TRIP10: variants seen among roughly 807,000 people sequenced by gnomAD.
TRIP10 encodes thyroid hormone receptor interactor 10, also known as cdc42-interacting protein 4.
In TRIP10, 54 loss-of-function variants were observed where a neutral mutation model predicts 80.9. That is an observed-to-expected ratio of 0.67 (90% CI 0.54 to 0.84). The LOEUF is 0.84. Among genes scored for constraint, TRIP10 ranks in the 40% least tolerant of loss-of-function variants. The probability of loss-of-function intolerance (pLI) is 0.00; values close to 1 mark genes in which losing one functional copy is unlikely to be tolerated. For synonymous variants in TRIP10, 321 were observed against 307.2 expected (o/e 1.04, Z -0.47); for missense variants, 773 against 815.3 (o/e 0.95, Z 0.63).
At chr19:6,743,888 G>A in intron 7 of TRIP10, 52 bp downstream of exon 7, 1 of 1,604,718 alleles carries the variant, frequency 6.2e-7, no homozygotes, top group Non-Finnish European at 8.5e-7. Context: ...CCAAATGTTA[G>A]CCAACTCCTA....
Position 6,740,678 on chromosome 19 carries a change from T to C in TRIP10, c.25-332T>C, listed in dbSNP as rs545566156. ...GACTCACGCCGGGCCGGCCGGATTTTCCGGAATCCGGGGGGATTAGGGGAG... is the reference window on the plus strand; with the variant it reads ...GACTCACGCCGGGCCGGCCGGATTTCCCGGAATCCGGGGGGATTAGGGGAG... On this transcript the variant is annotated intron_variant, in intron 1 of 14. Transcript: ENST00000313244. 4.8e-4 allele frequency: 123 copies of C among 258,322 alleles called. 1 individual carries two copies. The highest frequency in any genetic ancestry group is 8.9e-4 in the Non-Finnish European group (118 of 133,294). The allele number at this position is 258,322 out of a possible 1,614,324, so 16.0% of individuals were successfully genotyped here.
At chr19:6,741,326 C>T (rs767594514) in intron 3 of TRIP10, 45 bp downstream of exon 3, 1 of 1,571,312 alleles carries the variant, frequency 6.4e-7, no homozygotes, top group Non-Finnish European at 8.6e-7. Flanking sequence ...TGGGGAAAGG[C>T]GGTGCTTGGG....
At chr19:6,741,356 G>T in intron 3 of TRIP10, 75 bp downstream of exon 3, 1 of 1,509,612 alleles carries the variant, frequency 6.6e-7, no homozygotes, top group Non-Finnish European at 9.0e-7. Context: ...CCCTCCCTCA[G>T]CTGGGACACC....
In TRIP10 at chr19:6,744,525, C is replaced by G. The variant is rs774459791; in HGVS notation, c.643-29C>G. Reference sequence around the variant, plus strand: ...GCTTCTAGTCCCTCTGTTAGCACCCCTGAGCCACCCTTGTCCCTGTCCTTA... The same window carrying G: ...GCTTCTAGTCCCTCTGTTAGCACCCGTGAGCCACCCTTGTCCCTGTCCTTA... On this transcript the variant is annotated intron_variant, in intron 7 of 14. Transcript: ENST00000313244. The surrounding 1 kb of genome is among the most constrained non-coding windows in gnomAD (Gnocchi z 4.9). 8.1e-6 allele frequency: 13 copies of G among 1,613,286 alleles called. No individual in the cohort carries two copies. The highest frequency in any genetic ancestry group is 4.2e-6 in the Non-Finnish European group (5 of 1,180,002).
chr19:6,743,615 C>A lies in TRIP10; in HGVS notation c.513+17C>A. ...GTGGAGAAGGTGTGTGTGGCGGGGGCGGGGGGGGGGTGCGGGGTCTGGGAC... is the reference window on the plus strand; with the variant it reads ...GTGGAGAAGGTGTGTGTGGCGGGGGAGGGGGGGGGGTGCGGGGTCTGGGAC... On this transcript the variant is annotated intron_variant, in intron 6 of 14. Transcript: ENST00000313244. 3 of 770,164 alleles carry A rather than the reference C, an allele frequency of 3.9e-6. No individual in the cohort carries two copies. The highest frequency in any genetic ancestry group is 3.6e-6 in the Non-Finnish European group (2 of 549,188). The allele number at this position is 770,164 out of a possible 1,614,324, so 47.7% of individuals were successfully genotyped here.
Position 6,745,580 on chromosome 19 carries a change from G to C in TRIP10, c.985-449G>C, listed in dbSNP as rs1230472940. ...GTTTTATTTTTGTTTATTTATTTTT[G>C]TCCTCTGTGGCCTCTTACCTGTCTG... On this transcript the variant is annotated intron_variant, in intron 9 of 14. Coordinates refer to ENST00000313244, the MANE Select transcript of TRIP10 (RefSeq NM_001288962.2). The surrounding 1 kb of genome is among the most constrained non-coding windows in gnomAD (Gnocchi z 7.2). 1.0e-6 allele frequency: 1 copy of C among 984,438 alleles called. No homozygotes were observed. The highest frequency in any genetic ancestry group is 1.2e-6 in the Non-Finnish European group (1 of 829,784). The allele number at this position is 984,438 out of a possible 1,614,324, so 61.0% of individuals were successfully genotyped here. A position where few individuals can be genotyped will look rare whatever the true frequency, so the allele number is the denominator to read the frequency against.
chr19:6,743,279 G>GACTC (rs770017777), intron 5 of TRIP10, 23 bp downstream of exon 5: 2 of 1,612,340 alleles, frequency 1.2e-6, no homozygotes, highest in African/African-American at 2.7e-5. Context: ...AGGTAGCAGT[G>GACTC]ACTGTGGCCC....
chr19:6,739,924 C>A, intron 1 of TRIP10, 139 bp downstream of exon 1: 1 of 1,066,768 alleles, frequency 9.4e-7, no homozygotes. Context: ...ACCCTCCGCT[C>A]TCTCTCGAAG....
rs774273806 is a variant in TRIP10, at chr19:6,750,592, C to T, written c.1616C>T (p.Thr539Ile). The T allele has an allele frequency of 2.5e-6, 4 of 1,614,156 alleles. No homozygotes were observed. Among genetic ancestry groups the T allele is most frequent in the Non-Finnish European group, 3.4e-6 (4 of 1,180,054 alleles). The change falls in exon 14 of 15, where the codon ACA becomes ATA. Residue 539 changes from threonine to isoleucine, a missense_variant. By Grantham distance (89) the Thr-to-Ile change is moderately conservative. Transcript: ENST00000313244. ...GATGAGGATTTCGAGGAGGAACCCA[C>T]ATCCCCCATAGGTCACTGTGTGGCC... ...EFDEDFEEEP[T>I]SPIGHCVAIY... is the part of the protein sequence containing the mutation.
In TRIP10 at chr19:6,746,072, C is replaced by T. The variant is rs552901206; in HGVS notation, c.1028C>T (p.Ser343Leu). Residue 343 changes from serine to leucine, a missense_variant, in exon 10 of 15, where the codon TCG becomes TTG. Transcript: ENST00000313244. This position sits in a 1 kb window ranked among gnomAD's most constrained non-coding sequence, Gnocchi z 6.2. Reference sequence around the variant, plus strand: ...TCCCCCCTGGGGGGCCCCGTACCCTCGGCATTGCCTAACGGACCCCCGTCC... The same window carrying T: ...TCCCCCCTGGGGGGCCCCGTACCCTTGGCATTGCCTAACGGACCCCCGTCC... ...PLSPLGGPVP[S>L]ALPNGPPSPR... 1.3e-3 allele frequency: 1,923 copies of T among 1,518,830 alleles called. 56 individuals carry two copies. In the South Asian group the frequency reaches 0.022, roughly 17 times the overall value. 94.1% of individuals were successfully genotyped at this position (1,518,830 alleles called of 1,614,324 possible). A position where few individuals can be genotyped will look rare whatever the true frequency, so the allele number is the denominator to read the frequency against.
rs201515928 is a variant in TRIP10 at position 6,744,997 on chromosome 19, G to A, written c.984+3G>A. ...GGCCTTTTGGCAAGAAGAACAAGGT[G>A]GGGGCCGGGACCCTTGGGATGGTGG... is the stretch of plus-strand genomic sequence containing the variant. On this transcript the variant is annotated splice_donor_region_variant and intron_variant, in intron 9 of 14. Coordinates refer to ENST00000313244, the MANE Select transcript of TRIP10 (RefSeq NM_001288962.2). This position sits in a 1 kb window ranked among gnomAD's most constrained non-coding sequence, Gnocchi z 4.9. The A allele has an allele frequency of 1.0e-4, 162 of 1,612,572 alleles. No individual in the cohort carries two copies. In the African/African-American group the frequency reaches 1.8e-3, roughly 18 times the overall value.
chr19:6,743,725 C>A lies in TRIP10; in HGVS notation c.531C>A (p.His177Gln), dbSNP rs1267932337. ...ADVEKAKQQA[H>Q]LRSHMAEESK... The stretch of plus-strand genomic sequence containing the variant: ...TTCTTCAGGCCAAGCAGCAAGCCCA[C>A]CTTCGGAGTCACATGGCCGAAGAAA... Residue 177 changes from histidine (H) to glutamine (Q), a missense_variant, in exon 7 of 15, where the codon CAC becomes CAA. Transcript: ENST00000313244. The A allele has an allele frequency of 6.2e-7, 1 of 1,614,120 alleles. No individual in the cohort carries two copies.
intron 4 of TRIP10, 22 bp downstream of exon 4, chr19:6,743,136 G>A (rs770889922): frequency 1.2e-5 from 19 of 1,613,994 alleles, no homozygotes; most frequent in East Asian, 2.2e-5. Flanking sequence ...CCCGATTCAG[G>A]TTTTACAAAG....
Position 6,744,062 on chromosome 19 carries a change from C to T in TRIP10, c.642+226C>T, listed in dbSNP as rs747641681. Reference sequence around the variant, plus strand: ...TTCTATAGAGAGATGGGGCCTGGCTCTGTCACCCGGGCAGGAGTGCAGTGG... The same window carrying T: ...TTCTATAGAGAGATGGGGCCTGGCTTTGTCACCCGGGCAGGAGTGCAGTGG... On this transcript the variant is annotated intron_variant, in intron 7 of 14. Coordinates refer to ENST00000313244, the MANE Select transcript of TRIP10 (RefSeq NM_001288962.2). The surrounding 1 kb of genome is among the most constrained non-coding windows in gnomAD (Gnocchi z 4.9). Among the ~76,000 whole-genome samples, 12 of 152,068 alleles carry T rather than the reference C, an allele frequency of 7.9e-5. No individual in the cohort carries two copies. Among genetic ancestry groups the T allele is most frequent in the Non-Finnish European group, 1.2e-4 (8 of 68,026 alleles).
At position 6,744,720 on chromosome 19, in the gene TRIP10, C is replaced by A. The variant is rs374593366; in HGVS notation, c.789+20C>A. ...AAGAACGTGGGTGCCTGGTCTGGGT[C>A]CACTGGGCTACGGGAAGGGCAGAGG... On this transcript the variant is annotated intron_variant, in intron 8 of 14. Transcript: ENST00000313244. This position sits in a 1 kb window ranked among gnomAD's most constrained non-coding sequence, Gnocchi z 4.9. 21 of 1,592,612 alleles carry A rather than the reference C, an allele frequency of 1.3e-5. No homozygotes were observed. In the African/African-American group the frequency reaches 1.7e-4, roughly 13 times the overall value.
rs138357890 is a variant in TRIP10, at chr19:6,743,598, G to A, written c.513G>A (p.Lys171=). 7 of 1,572,692 alleles carry A rather than the reference G, an allele frequency of 4.5e-6. No homozygotes were observed. In the African/African-American group the frequency reaches 8.3e-5, roughly 19 times the overall value. ...DINATKADVE[K]AKQQAHLRSH... is the part of the protein sequence containing the mutation. ...ACGCCACCAAGGCTGATGTGGAGAAGGTGTGTGTGGCGGGGGCGGGGGGGG... is the reference window on the plus strand; with the variant it reads ...ACGCCACCAAGGCTGATGTGGAGAAAGTGTGTGTGGCGGGGGCGGGGGGGG... The change falls in exon 6 of 15, where the codon AAG becomes AAA. Residue 171 remains lysine (K), a splice_region_variant and synonymous_variant. Coordinates refer to ENST00000313244, the MANE Select transcript of TRIP10 (RefSeq NM_001288962.2).
rs1326415800 is a variant in TRIP10, at chr19:6,746,333, T to A, written c.1153-119T>A. The A allele has an allele frequency of 1.1e-5, 17 of 1,533,464 alleles. No individual in the cohort carries two copies. The highest frequency in any genetic ancestry group is 2.0e-5 in the Admixed American group (1 of 50,450). 95.0% of individuals were successfully genotyped at this position (1,533,464 alleles called of 1,614,324 possible). A position where few individuals can be genotyped will look rare whatever the true frequency, so the allele number is the denominator to read the frequency against. On this transcript the variant is annotated intron_variant, in intron 10 of 14. Coordinates refer to ENST00000313244, the MANE Select transcript of TRIP10 (RefSeq NM_001288962.2). This position sits in a 1 kb window ranked among gnomAD's most constrained non-coding sequence, Gnocchi z 6.2. ...CCCAACCCAGACCTGCTTTGCTCTG[T>A]GCATGGCTTCGCTGTCAAGAACCAT...
rs1266263628 is a variant in TRIP10 at position 6,744,667 on chromosome 19, G to A, written c.756G>A (p.Met252Ile). 2.5e-6 allele frequency: 4 copies of A among 1,609,598 alleles called. No homozygotes were observed. The highest frequency in any genetic ancestry group is 1.3e-5 in the African/African-American group (1 of 74,822). The change falls in exon 8 of 15, where the codon ATG becomes ATA. Residue 252 changes from methionine to isoleucine, a missense_variant. Met to Ile is a conservative substitution (Grantham distance 10). Coordinates refer to ENST00000313244, the MANE Select transcript of TRIP10 (RefSeq NM_001288962.2). This position sits in a 1 kb window ranked among gnomAD's most constrained non-coding sequence, Gnocchi z 4.9. ...VPIIAKCLEG[M>I]KVAANAVDPK... ...TAATAGCCAAGTGCTTGGAGGGCAT[G>A]AAGGTGGCTGCAAATGCTGTGGATC...
rs778109555 is a variant in TRIP10 at position 6,742,955 on chromosome 19, A to C, written c.198-12A>C. 1 of 1,613,424 alleles carries C rather than the reference A, an allele frequency of 6.2e-7. No homozygotes were observed. Among genetic ancestry groups the C allele is most frequent in the Admixed American group, 1.7e-5 (1 of 59,978 alleles). ...CCTGACTCCCTGTTCCCCGATTCTC[A>C]TCCAACCCCAGATTCAGCCAGCAAC... On this transcript the variant is annotated splice_polypyrimidine_tract_variant and intron_variant, in intron 3 of 14. Transcript: ENST00000313244.
Sources: allele counts gnomAD v4.1 joint callset (sites outside exome capture counted in the v4.1 genomes callset), GRCh38; gene constraint gnomAD v4.1.1; non-coding constraint Gnocchi (gnomAD v3.1); transcripts MANE v1.5; gene names NCBI Gene and HGNC (gene_info 2026-07-23, HGNC 2026-07-21).